CPNE1: variants seen among roughly 807,000 people sequenced by gnomAD.
CPNE1 encodes copine 1.
In CPNE1, 58 loss-of-function variants were observed where a neutral mutation model predicts 63.2. The ratio of observed to expected loss-of-function variants is 0.92; its 90% confidence interval spans 0.74 to 1.14. CPNE1 has a LOEUF of 1.14. Among genes scored for constraint, CPNE1 ranks in the 50% most tolerant of loss-of-function variants. The pLI is 0.00. For missense variants in CPNE1, 672 were observed against 661.7 expected, an observed-to-expected ratio of 1.02 and a Z score of -0.17; for synonymous variants, 237 against 249.0, an observed-to-expected ratio of 0.95 and a Z score of 0.45.
At chr20:35,644,940 C>A (rs2033022146) in intron 1 of CPNE1, among the ~76,000 whole-genome samples, 1 of 152,186 alleles carries the variant, frequency 6.6e-6, no homozygotes, top group Admixed American at 6.5e-5. Flanking sequence ...AAAATGTGAT[C>A]TGTATCAAAA....
At chr20:35,634,278 A>AT (rs74173959) in intron 1 of CPNE1, among the ~76,000 whole-genome samples, 5 of 144,206 alleles carry the variant, frequency 3.5e-5, no homozygotes, top group African/African-American at 8.0e-5. Flanking sequence ...AAAAAAAAAA[A>AT]GTGAGGTCAT....
At chr20:35,658,102 A>G (rs994296043) in intron 1 of CPNE1, among the ~76,000 whole-genome samples, 2 of 152,176 alleles carry the variant, frequency 1.3e-5, no homozygotes, top group Non-Finnish European at 2.9e-5. Context: ...TTAAAAAAGT[A>G]TCTGCTTTTC....
intron 1 of CPNE1, 120 bp from the exon 2 acceptor site, chr20:35,633,043 C>T: frequency 1.4e-6 from 1 of 720,556 alleles, no homozygotes; most frequent in Non-Finnish European, 2.4e-6. Flanking sequence ...TACGTCCACC[C>T]CCGTGACACC....
chr20:35,630,392 CCT>C, intron 13 of CPNE1, 45 bp downstream of exon 13: 1 of 1,529,526 alleles, frequency 6.5e-7, no homozygotes, highest in Non-Finnish European at 9.1e-7. Flanking sequence ...CAGGCTTGCC[CCT>C]CTTTGTGTGG....
At chr20:35,652,268 T>A (rs1454660093) in intron 1 of CPNE1, 1 of 362,726 alleles carries the variant, frequency 2.8e-6, no homozygotes, top group East Asian at 4.9e-5. Context: ...ATTTGAGTTT[T>A]ACAAATGGTT....
At chr20:35,644,374 A>C (rs1049441167) in intron 1 of CPNE1, among the ~76,000 whole-genome samples, 3 of 152,206 alleles carry the variant, frequency 2.0e-5, no homozygotes, top group African/African-American at 7.2e-5. Context: ...CTCAAGCTGC[A>C]GTGTAGAATC....
intron 14 of CPNE1, 73 bp downstream of exon 14, chr20:35,627,207 A>AAAAAAAAAAAAAAAAAAC (rs2031811477): frequency 7.5e-7 from 1 of 1,330,502 alleles, no homozygotes; most frequent in Non-Finnish European, 1.0e-6. Context: ...AAAAAAAAAA[A>AAAAAAAAAAAAAAAAAAC]AAGTCCTTTG....
intron 1 of CPNE1, among the ~76,000 whole-genome samples, chr20:35,661,343 G>A (rs2034220928): frequency 6.6e-6 from 1 of 152,212 alleles, no homozygotes; most frequent in African/African-American, 2.4e-5. Flanking sequence ...GCGACTGAAT[G>A]CAGGATTTCA....
chr20:35,633,598 C>T (rs955802678), intron 1 of CPNE1, among the ~76,000 whole-genome samples: 3 of 152,148 alleles, frequency 2.0e-5, no homozygotes, highest in Non-Finnish European at 2.9e-5. Context: ...TCTCCACCTC[C>T]GTTCCCCCAT....
At chr20:35,643,393 G>A (rs2032928133) in intron 1 of CPNE1, 2 of 152,218 alleles carry the variant, frequency 1.3e-5, no homozygotes, top group Admixed American at 6.5e-5. Flanking sequence ...CTGTAGCGGA[G>A]TGGGTGTTTT....
At chr20:35,664,193 C>A (rs1429458259) in intron 1 of CPNE1, among the ~76,000 whole-genome samples, 2 of 152,212 alleles carry the variant, frequency 1.3e-5, no homozygotes, top group African/African-American at 4.8e-5. Flanking sequence ...ACCTTCAGGC[C>A]ACGAAGGCGG....
intron 1 of CPNE1, chr20:35,647,469 A>T (rs929754630): frequency 2.0e-5 from 3 of 152,046 alleles, no homozygotes; most frequent in African/African-American, 7.3e-5. Flanking sequence ...CCGTGGGGCT[A>T]TTGACAGAAT....
At chr20:35,653,322 A>AAGTCCTGCACTGGGC in intron 1 of CPNE1, 2 of 1,613,682 alleles carry the variant, frequency 1.2e-6, no homozygotes, top group Non-Finnish European at 1.7e-6. Context: ...CTGCACCGGG[A>AAGTCCTGCACTGGGC]AGTCCTGCAC....
Position 35,626,773 on chromosome 20 carries a change from C to T in CPNE1, c.1267G>A (p.Gly423Ser). 1.9e-6 allele frequency: 3 copies of T among 1,614,156 alleles called. No individual in the cohort carries two copies. Among genetic ancestry groups the T allele is most frequent in the Non-Finnish European group, 2.5e-6 (3 of 1,180,018 alleles). The change falls in exon 15 of 16, where the codon GGT becomes AGT. Residue 423 changes from glycine to serine, a missense_variant. Physicochemically the swap from Gly to Ser is moderately conservative, Grantham distance 56 (BLOSUM62 0). Transcript: ENST00000397443. ...QYFMLLLLTD[G>S]AVTDVEATRE... The stretch of plus-strand genomic sequence containing the variant: ...GTGGCTTCCACATCCGTCACAGCAC[C>T]ATCAGTCAGCAGCAACAGCATGAAG...
intron 1 of CPNE1, chr20:35,651,869 G>C (rs1280350288): frequency 6.6e-6 from 1 of 152,546 alleles, no homozygotes; most frequent in South Asian, 2.1e-4. Context: ...TAGCACAAAC[G>C]AAGTGTGGAC....
intron 1 of CPNE1, chr20:35,652,889 G>A: frequency 6.2e-7 from 1 of 1,613,546 alleles, no homozygotes; most frequent in Non-Finnish European, 8.5e-7. Context: ...GCACTTCCAA[G>A]ACCAGGAGGG....
Position 35,632,516 on chromosome 20 carries a change from C to T in CPNE1, c.309+1G>A. 1 of 1,613,360 alleles carries T rather than the reference C, an allele frequency of 6.2e-7. No individual in the cohort carries two copies. The highest frequency in any genetic ancestry group is 8.5e-7 in the Non-Finnish European group (1 of 1,179,470). ...GGATCCTAATCCCCAGCCCTACATA[C>T]CTGTCCTAGGGAACACTCAGCACCC... is the stretch of plus-strand genomic sequence containing the variant. On this transcript the variant is annotated splice_donor_variant, in intron 3 of 15. Transcript: ENST00000397443. LOFTEE classifies it high-confidence loss of function.
chr20:35,653,622 G>C (rs2033697054), intron 1 of CPNE1: 1 of 1,614,144 alleles, frequency 6.2e-7, no homozygotes, highest in South Asian at 1.1e-5. Flanking sequence ...CATCCACTGG[G>C]ATTCCTTCTA....
chr20:35,654,782 G>A (rs770246856), intron 1 of CPNE1: 2 of 1,614,126 alleles, frequency 1.2e-6, no homozygotes, highest in South Asian at 1.1e-5. Context: ...GTGTTCATTG[G>A]AGAGGCTGTG....
Sources: gnomAD v4.1 joint callset for allele counts (sites outside exome capture counted in the v4.1 genomes callset) on GRCh38, gnomAD v4.1.1 for gene constraint, MANE v1.5 for transcripts, NCBI Gene and HGNC (gene_info 2026-07-23, HGNC 2026-07-21) for gene names.